RAPGEF4: variants seen among roughly 807,000 people sequenced by gnomAD.
RAPGEF4 encodes the protein RAP guanine-nucleotide-exchange factor (GEF) 4.
Under a neutral mutation model 147.9 loss-of-function variants are expected in RAPGEF4, and 66 were observed. The ratio of observed to expected loss-of-function variants is 0.45; its 90% CI spans 0.37 to 0.55. The LOEUF is 0.55. Ranked by LOEUF, RAPGEF4 falls within the 20% of genes least tolerant of loss-of-function variation. The probability of loss-of-function intolerance (pLI) is 0.00; values close to 1 mark genes in which losing one functional copy is unlikely to be tolerated. For missense variants in RAPGEF4, 1,071 were observed against 1,257.3 expected, an observed-to-expected ratio of 0.85 and a Z score of 2.24; for synonymous variants, 419 against 442.7, an observed-to-expected ratio of 0.95 and a Z score of 0.67.
intron 1 of RAPGEF4, among the ~76,000 whole-genome samples, chr2:172,746,489 T>C (rs1694780143): frequency 6.6e-6 from 1 of 152,240 alleles, no homozygotes; most frequent in South Asian, 2.1e-4. Flanking sequence ...TTAATTGCAC[T>C]GGAGTAATCT....
chr2:172,822,094 C>A, intron 4 of RAPGEF4: 3 of 1,252,494 alleles, frequency 2.4e-6, no homozygotes, highest in South Asian at 1.4e-5. Flanking sequence ...TAATTATGTT[C>A]CACCAGACCC....
intron 4 of RAPGEF4, among the ~76,000 whole-genome samples, chr2:172,865,945 G>T (rs1694594983): frequency 6.6e-6 from 1 of 152,122 alleles, no homozygotes; most frequent in Non-Finnish European, 1.5e-5. Context: ...AGATAGAAGA[G>T]GTTTTTCCTC....
intron 4 of RAPGEF4, among the ~76,000 whole-genome samples, chr2:172,841,053 C>T (rs917920249): frequency 6.6e-6 from 1 of 152,094 alleles, no homozygotes; most frequent in African/African-American, 2.4e-5. Context: ...AGTGATAGAC[C>T]CTCTCCCCAG....
intron 16 of RAPGEF4, among the ~76,000 whole-genome samples, chr2:173,000,705 T>C (rs931274749): frequency 1.3e-5 from 2 of 152,096 alleles, no homozygotes; most frequent in Non-Finnish European, 2.9e-5. Flanking sequence ...CTCTAGTTGC[T>C]GCTCACAGCC....
chr2:173,044,267 C>CG (rs1553556922), intron 29 of RAPGEF4, among the ~76,000 whole-genome samples: 9 of 106,202 alleles, frequency 8.5e-5, no homozygotes. Context: ...GTCATGGCGC[C>CG]GGGGGGCGGG....
At chr2:172,773,438 C>T (rs1325330152) in intron 1 of RAPGEF4, among the ~76,000 whole-genome samples, 1 of 152,102 alleles carries the variant, frequency 6.6e-6, no homozygotes, top group African/African-American at 2.4e-5. Context: ...TCACATTTTT[C>T]GTTTTGCTGC....
At chr2:172,774,934 A>G (rs914591162) in intron 1 of RAPGEF4, among the ~76,000 whole-genome samples, 2 of 152,220 alleles carry the variant, frequency 1.3e-5, no homozygotes. Flanking sequence ...GCTTTGGTGA[A>G]GAAAAACTGT....
At chr2:172,963,820 T>C (rs1689546588) in intron 8 of RAPGEF4, among the ~76,000 whole-genome samples, 1 of 152,192 alleles carries the variant, frequency 6.6e-6, no homozygotes, top group African/African-American at 2.4e-5. Flanking sequence ...AAGCCTCTCC[T>C]GGTGCAGCAT....
At chr2:172,926,183 T>C (rs1438249997) in intron 6 of RAPGEF4, among the ~76,000 whole-genome samples, 1 of 152,204 alleles carries the variant, frequency 6.6e-6, no homozygotes, top group Non-Finnish European at 1.5e-5. Context: ...TTCTCTTTGA[T>C]CTATTAAAGT....
At chr2:172,831,137 G>A (rs1462668043) in intron 4 of RAPGEF4, among the ~76,000 whole-genome samples, 2 of 151,854 alleles carry the variant, frequency 1.3e-5, no homozygotes, top group Non-Finnish European at 2.9e-5. Flanking sequence ...ACCTACCAGA[G>A]TTTTCATTTA....
intron 10 of RAPGEF4, among the ~76,000 whole-genome samples, chr2:172,974,338 T>G (rs541823456): frequency 3.1e-4 from 47 of 152,214 alleles, no homozygotes; most frequent in South Asian, 6.2e-4. Context: ...GACTCATGGG[T>G]TTATGCTTTG....
Position 172,999,572 on chromosome 2 carries a change from AC to A in RAPGEF4, c.1580-1692del, listed in dbSNP as rs1693700291. Reference sequence around the variant, plus strand: ...TAGTTCTTATATTTTTACTTTTAAAACCAGCATTAGTCATGGAGTGACTTGG... The same window carrying A: ...TAGTTCTTATATTTTTACTTTTAAAACAGCATTAGTCATGGAGTGACTTGG... On this transcript the variant is annotated intron_variant, in intron 16 of 30. Transcript: ENST00000397081. 2.0e-5 allele frequency among the ~76,000 whole-genome samples: 3 copies of A among 152,202 alleles called. No homozygotes were observed. The South Asian group carries it at 6.2e-4, about 32-fold the overall frequency.
At chr2:172,949,746 C>T (rs1688024909) in intron 6 of RAPGEF4, among the ~76,000 whole-genome samples, 1 of 152,172 alleles carries the variant, frequency 6.6e-6, no homozygotes, top group Non-Finnish European at 1.5e-5. Context: ...CAGATGAGCA[C>T]AACAGATGAC....
intron 4 of RAPGEF4, among the ~76,000 whole-genome samples, chr2:172,890,958 C>A (rs1038253646): frequency 1.3e-5 from 2 of 152,090 alleles, no homozygotes; most frequent in Non-Finnish European, 2.9e-5. Flanking sequence ...GGCGAAACCC[C>A]GTCTCTACTA....
chr2:173,009,574 A>G (rs1201032789), intron 17 of RAPGEF4, among the ~76,000 whole-genome samples: 1 of 151,138 alleles, frequency 6.6e-6, no homozygotes, highest in Non-Finnish European at 1.5e-5. Flanking sequence ...GTATAATGCA[A>G]ACATTCCAAA....
intron 17 of RAPGEF4, among the ~76,000 whole-genome samples, 167 bp from the exon 18 acceptor site, chr2:173,014,297 T>C (rs1695300918): frequency 6.6e-6 from 1 of 152,108 alleles, no homozygotes; most frequent in Non-Finnish European, 1.5e-5. Flanking sequence ...ATTGCATGCA[T>C]TCGGCACAGA....
chr2:172,827,975 T>C (rs899023487), intron 4 of RAPGEF4, among the ~76,000 whole-genome samples: 3 of 152,188 alleles, frequency 2.0e-5, no homozygotes, highest in African/African-American at 7.2e-5. Context: ...GTAGTGCCTC[T>C]ATTAATTGAT....
chr2:173,043,186 C>G (rs1353219251), intron 29 of RAPGEF4, among the ~76,000 whole-genome samples: 1 of 152,172 alleles, frequency 6.6e-6, no homozygotes, highest in African/African-American at 2.4e-5. Context: ...TTTACACATG[C>G]TAAGCAAGGA....
intron 3 of RAPGEF4, among the ~76,000 whole-genome samples, chr2:172,806,345 A>G (rs1050917341): frequency 6.6e-6 from 1 of 152,212 alleles, no homozygotes; most frequent in African/African-American, 2.4e-5. Flanking sequence ...TATTGAAAGC[A>G]TTAGTATTTA....
Sources: allele counts gnomAD v4.1 joint callset (sites outside exome capture counted in the v4.1 genomes callset), GRCh38; gene constraint gnomAD v4.1.1; transcripts MANE v1.5; gene names NCBI Gene and HGNC (gene_info 2026-07-23, HGNC 2026-07-21).